Variants in TP73 observed in about 807,000 individuals in gnomAD.
TP73 encodes the protein tumor protein p73, also known as p53-like transcription factor.
TP73 carries 25 observed loss-of-function variants against 62.5 expected under a neutral mutation model. The observed-to-expected ratio is 0.40, with a 90% confidence interval of 0.29 to 0.56. TP73 has a LOEUF of 0.56. Ranked by LOEUF, TP73 falls within the 20% of genes least tolerant of loss-of-function variation. The probability of loss-of-function intolerance (pLI) is 0.46; values close to 1 mark genes in which losing one functional copy is unlikely to be tolerated. For synonymous variants in TP73, 423 were observed against 377.5 expected (o/e 1.12, Z -1.40); for missense variants, 754 against 913.3 (o/e 0.83, Z 2.25).
At chr1:3,729,804 C>A in intron 10 of TP73, 196 bp from the exon 11 acceptor site, 1 of 855,742 alleles carries the variant, frequency 1.2e-6, no homozygotes, top group Admixed American at 2.6e-5. Flanking sequence ...CCGCCATGGC[C>A]AGTGTCCTTC....
At position 3,728,157 on chromosome 1, in the gene TP73, C is replaced by T. The variant is rs376363642; in HGVS notation, c.1014C>T (p.Pro338=). Residue 338 remains proline, a synonymous_variant, in exon 9 of 14, where the codon CCC becomes CCT. Transcript: ENST00000378295. ...RAFKQSPPAV[P]ALGAGVKKRR... ...TCAAGCAGAGCCCCCCTGCCGTCCC[C>T]GCCCTTGGTGCCGGTGTGAAGAAGC... 17 of 1,611,756 alleles carry T rather than the reference C, an allele frequency of 1.1e-5. No homozygotes were observed. The highest frequency in any genetic ancestry group is 6.7e-5 in the East Asian group (3 of 44,882).
chr1:3,675,785 T>C (rs1645351493), intron 1 of TP73, among the ~76,000 whole-genome samples: 1 of 152,070 alleles, frequency 6.6e-6, no homozygotes, highest in South Asian at 2.1e-4. Context: ...TGTGGAGCCC[T>C]GTCTGCCCCA....
intron 3 of TP73, among the ~76,000 whole-genome samples, chr1:3,691,112 G>T (rs1283468406): frequency 2.0e-5 from 3 of 152,178 alleles, no homozygotes; most frequent in Non-Finnish European, 4.4e-5. Context: ...CTAGAGGCAG[G>T]TCCCAGGCAT....
intron 1 of TP73, among the ~76,000 whole-genome samples, chr1:3,665,192 G>T (rs1418792420): frequency 3.3e-5 from 5 of 152,076 alleles, no homozygotes; most frequent in Non-Finnish European, 7.3e-5. Flanking sequence ...CTGGAGCGAG[G>T]CATGCTCCAA....
intron 4 of TP73, among the ~76,000 whole-genome samples, chr1:3,712,844 C>A (rs1321845343): frequency 6.6e-6 from 1 of 152,152 alleles, no homozygotes; most frequent in Non-Finnish European, 1.5e-5. Context: ...CTGGCCCCAG[C>A]AGCCAGACCC....
chr1:3,685,266 C>T lies in TP73; in HGVS notation c.186+2086C>T, dbSNP rs550404356. On this transcript the variant is annotated intron_variant, in intron 3 of 13. Transcript: ENST00000378295. Reference sequence around the variant, plus strand: ...GGAGCGTGCTTGTCCTCCCCAGCCCCGGAGGGTTCCCTGAGCTCCATATCG... The same window carrying T: ...GGAGCGTGCTTGTCCTCCCCAGCCCTGGAGGGTTCCCTGAGCTCCATATCG... Among the ~76,000 whole-genome samples the T allele has an allele frequency of 3.4e-3, 518 of 152,288 alleles. 4 individuals carry two copies. Among genetic ancestry groups the T allele is most frequent in the African/African-American group, 0.012 (494 of 41,548 alleles).
At chr1:3,664,585 G>A (rs566044413) in intron 1 of TP73, among the ~76,000 whole-genome samples, 2 of 152,322 alleles carry the variant, frequency 1.3e-5, no homozygotes, top group South Asian at 2.1e-4. Context: ...AGCCAGACCC[G>A]CAGCTTTCTC....
At chr1:3,653,238 TTGTC>T (rs920767756) in intron 1 of TP73, among the ~76,000 whole-genome samples, 3 of 152,288 alleles carry the variant, frequency 2.0e-5, no homozygotes, top group African/African-American at 7.2e-5. Flanking sequence ...GGCTCTGAGT[TTGTC>T]TGTCGAGGGC....
intron 1 of TP73, among the ~76,000 whole-genome samples, chr1:3,668,368 G>T (rs1407238143): frequency 4.6e-5 from 7 of 152,202 alleles, no homozygotes; most frequent in African/African-American, 1.4e-4. Context: ...CTGCAATTGT[G>T]GGGGAGGAAG....
intron 11 of TP73, 77 bp downstream of exon 11, chr1:3,730,225 C>A: frequency 1.4e-6 from 2 of 1,383,202 alleles, no homozygotes; most frequent in Non-Finnish European, 1.9e-6. Flanking sequence ...GGACACACCA[C>A]CCAGCTCGGG....
intron 4 of TP73, among the ~76,000 whole-genome samples, chr1:3,709,710 C>T (rs1272535493): frequency 1.3e-5 from 2 of 152,218 alleles, no homozygotes; most frequent in Non-Finnish European, 2.9e-5. Flanking sequence ...TGCCTAAGTC[C>T]ACTCTCTCCC....
intron 10 of TP73, 110 bp downstream of exon 10, chr1:3,729,558 G>A (rs980760830): frequency 1.3e-6 from 2 of 1,575,416 alleles, no homozygotes; most frequent in South Asian, 1.1e-5. Flanking sequence ...ATCTGCCAGG[G>A]ACAGGCAGCA....
At chr1:3,682,598 C>T (rs571197940) in intron 2 of TP73, among the ~76,000 whole-genome samples, 168 bp downstream of exon 2, 1 of 152,226 alleles carries the variant, frequency 6.6e-6, no homozygotes, top group African/African-American at 2.4e-5. Flanking sequence ...AACTTGGCAA[C>T]CCTCACTGGG....
Position 3,733,078 on chromosome 1 carries a change from G to A in TP73, c.1910G>A (p.Ter637=). 7 of 1,530,914 alleles carry A rather than the reference G, an allele frequency of 4.6e-6. No homozygotes were observed. In the South Asian group the frequency reaches 8.4e-5, roughly 18 times the overall value. The allele number at this position is 1,530,914 out of a possible 1,614,324, so 94.8% of individuals were successfully genotyped here. ...GAGTTCACGGAGGCCGAGATCCACT[G>A]AGGGCCTCGCCTGGCTGCAGCCTGC... ...KEEFTEAEIH[*] Residue 637 remains the stop codon, a stop_retained_variant, in exon 14 of 14, where the codon TGA becomes TAA. Coordinates refer to ENST00000378295, the MANE Select transcript of TP73 (RefSeq NM_005427.4).
chr1:3,684,237 C>T (rs1227433639), intron 3 of TP73, among the ~76,000 whole-genome samples: 1 of 152,244 alleles, frequency 6.6e-6, no homozygotes, highest in Non-Finnish European at 1.5e-5. Context: ...CCGCCTCCGC[C>T]GCCCAGGGAT....
chr1:3,695,473 C>A (rs1363884293), intron 3 of TP73, among the ~76,000 whole-genome samples: 1 of 152,232 alleles, frequency 6.6e-6, no homozygotes, highest in Non-Finnish European at 1.5e-5. Context: ...CCTGTTCCCA[C>A]CCTGCCCCTC....
intron 1 of TP73, among the ~76,000 whole-genome samples, chr1:3,679,188 T>C (rs921633941): frequency 1.3e-5 from 2 of 152,086 alleles, no homozygotes; most frequent in Non-Finnish European, 2.9e-5. Context: ...CAGGGTTCAG[T>C]GGGAAGAGAG....
At chr1:3,674,182 G>A (rs1361076567) in intron 1 of TP73, among the ~76,000 whole-genome samples, 1 of 152,220 alleles carries the variant, frequency 6.6e-6, no homozygotes, top group African/African-American at 2.4e-5. Flanking sequence ...CCACCCACGG[G>A]GGGTCGGGCA....
chr1:3,701,368 G>A lies in TP73; in HGVS notation c.187-6181G>A, dbSNP rs1639154363. Among the ~76,000 whole-genome samples, 1 of 152,198 alleles carries A rather than the reference G, an allele frequency of 6.6e-6. No homozygotes were observed. Among genetic ancestry groups the A allele is most frequent in the Non-Finnish European group, 1.5e-5 (1 of 68,030 alleles). On this transcript the variant is annotated intron_variant, in intron 3 of 13. Coordinates refer to ENST00000378295, the MANE Select transcript of TP73 (RefSeq NM_005427.4). This position sits in a 1 kb window ranked among gnomAD's most constrained non-coding sequence, Gnocchi z 4.7. ...TTTTGTGCCAAGGCGTGGAGGTCAT[G>A]CCTCGTGCATGGGAGCTTCCTGGAC...
Sources: allele counts gnomAD v4.1 joint callset (sites outside exome capture counted in the v4.1 genomes callset), GRCh38; gene constraint gnomAD v4.1.1; non-coding constraint Gnocchi (gnomAD v3.1); transcripts MANE v1.5; gene names NCBI Gene and HGNC (gene_info 2026-07-23, HGNC 2026-07-21).